LRMDA: variants seen among roughly 807,000 people sequenced by gnomAD.
LRMDA encodes the protein leucine rich melanocyte differentiation associated.
In LRMDA, 18 loss-of-function variants were observed where a neutral mutation model predicts 29.8. The observed-to-expected ratio is 0.60, with a 90% CI of 0.42 to 0.90. The LOEUF (loss-of-function observed/expected upper bound fraction) is 0.90. Among genes scored for constraint, LRMDA ranks in the 40% least tolerant of loss-of-function variants. LRMDA has a pLI of 0.00. For synonymous variants in LRMDA, 125 were observed against 109.4 expected, an observed-to-expected ratio of 1.14 and a Z score of -0.89; for missense variants, 273 against 273.9, an observed-to-expected ratio of 1.00 and a Z score of 0.02.
At chr10:76,419,518 T>C (rs1028570660) in intron 6 of LRMDA, among the ~76,000 whole-genome samples, 20 of 152,222 alleles carry the variant, frequency 1.3e-4, no homozygotes, top group African/African-American at 4.3e-4. Flanking sequence ...TTTATAAATC[T>C]GCCGTAAACA....
At chr10:75,918,802 G>A (rs557353302) in intron 2 of LRMDA, among the ~76,000 whole-genome samples, 1 of 152,284 alleles carries the variant, frequency 6.6e-6, no homozygotes, top group East Asian at 1.9e-4. Flanking sequence ...GCCTTCATGG[G>A]AACCTGCCCC....
intron 2 of LRMDA, among the ~76,000 whole-genome samples, chr10:75,506,939 C>T (rs557644520): frequency 6.6e-6 from 1 of 152,230 alleles, no homozygotes; most frequent in African/African-American, 2.4e-5. Flanking sequence ...ATGCTGGCTG[C>T]CTTTCCCCCA....
intron 2 of LRMDA, among the ~76,000 whole-genome samples, chr10:75,870,809 CCT>C (rs1845096104): frequency 6.6e-6 from 1 of 152,246 alleles, no homozygotes; most frequent in East Asian, 1.9e-4. Flanking sequence ...GATATTTACC[CCT>C]GTCTCCATGC....
chr10:76,134,108 G>T (rs929109728), intron 5 of LRMDA, among the ~76,000 whole-genome samples: 6 of 152,300 alleles, frequency 3.9e-5, no homozygotes, highest in Middle Eastern at 3.4e-3. Flanking sequence ...CAGCCACTCT[G>T]CAGCTGACCC....
Position 75,957,688 on chromosome 10 carries a change from A to G in LRMDA, c.132-78320A>G, listed in dbSNP as rs2132425756. Among the ~76,000 whole-genome samples, 3 of 152,288 alleles carry G rather than the reference A, an allele frequency of 2.0e-5. No homozygotes were observed. The South Asian group carries it at 6.2e-4, about 32-fold the overall frequency. ...AGTGATGGGTAGCCATGATTTAAGG[A>G]GAACAGCAATGGGGTTAGAGAGGGT... On this transcript the variant is annotated intron_variant, in intron 2 of 6. Coordinates refer to ENST00000611255, the MANE Select transcript of LRMDA (RefSeq NM_001305581.2).
intron 2 of LRMDA, among the ~76,000 whole-genome samples, chr10:75,742,214 A>G (rs774697362): frequency 9.9e-5 from 15 of 152,252 alleles, no homozygotes; most frequent in Non-Finnish European, 2.2e-4. Context: ...TTTCATACAC[A>G]TATCATGAGA....
intron 2 of LRMDA, among the ~76,000 whole-genome samples, chr10:75,823,293 G>C (rs1421336404): frequency 6.6e-6 from 1 of 152,054 alleles, no homozygotes; most frequent in Non-Finnish European, 1.5e-5. Flanking sequence ...TAAAAAGTGG[G>C]CAAAGGACAC....
At chr10:75,492,228 T>C (rs1224770477) in intron 2 of LRMDA, among the ~76,000 whole-genome samples, 1 of 152,242 alleles carries the variant, frequency 6.6e-6, no homozygotes, top group African/African-American at 2.4e-5. Context: ...TAATAGGGGA[T>C]GAATTCACAT....
intron 1 of LRMDA, 79 bp from the exon 2 acceptor site, chr10:75,438,315 T>C (rs1024841088): frequency 4.5e-6 from 5 of 1,102,904 alleles, no homozygotes; most frequent in African/African-American, 3.1e-5. Context: ...GAAGCAATCA[T>C]TGGATCAGTA....
intron 2 of LRMDA, among the ~76,000 whole-genome samples, chr10:75,755,719 C>T (rs973199666): frequency 2.0e-5 from 3 of 152,210 alleles, no homozygotes; most frequent in African/African-American, 7.2e-5. Context: ...GCTGACGCAA[C>T]CTTGGAGTGT....
chr10:75,466,141 T>G (rs999205286), intron 2 of LRMDA, among the ~76,000 whole-genome samples: 4 of 152,214 alleles, frequency 2.6e-5, no homozygotes, highest in Non-Finnish European at 5.9e-5. Flanking sequence ...TGTGGGTGCT[T>G]GCCTGGCTTC....
Position 75,526,872 on chromosome 10 carries a change from AC to A in LRMDA, c.131+88379del, listed in dbSNP as rs1237340905. On this transcript the variant is annotated intron_variant, in intron 2 of 6. Transcript: ENST00000611255. Reference sequence around the variant, plus strand: ...AGGCCCTATCTCAAAAAAAAAAAAAACAAAACATAATATGAAATGTACCATT... The same window carrying A: ...AGGCCCTATCTCAAAAAAAAAAAAAAAAAACATAATATGAAATGTACCATT... 1.9e-4 allele frequency among the ~76,000 whole-genome samples: 28 copies of A among 149,056 alleles called. No individual in the cohort carries two copies. In the South Asian group the frequency reaches 1.9e-3, roughly 10 times the overall value.
intron 2 of LRMDA, among the ~76,000 whole-genome samples, chr10:75,629,991 T>G (rs541503849): frequency 1.3e-5 from 2 of 152,370 alleles, no homozygotes; most frequent in African/African-American, 4.8e-5. Flanking sequence ...ATATGTAATT[T>G]TATTAACACC....
At chr10:75,861,374 C>T (rs770206666) in intron 2 of LRMDA, among the ~76,000 whole-genome samples, 2 of 152,128 alleles carry the variant, frequency 1.3e-5, no homozygotes, top group Non-Finnish European at 2.9e-5. Context: ...CTTTGAAAGA[C>T]TCAAATGGTC....
intron 2 of LRMDA, among the ~76,000 whole-genome samples, chr10:75,806,011 C>A (rs1207946367): frequency 6.6e-6 from 1 of 152,112 alleles, no homozygotes; most frequent in Admixed American, 6.6e-5. Context: ...TGCTTGGCTT[C>A]TAGCGAGGCC....
At chr10:76,467,492 G>T (rs1363484080) in intron 6 of LRMDA, among the ~76,000 whole-genome samples, 4 of 152,170 alleles carry the variant, frequency 2.6e-5, no homozygotes, top group African/African-American at 9.7e-5. Flanking sequence ...GGTGCTTATG[G>T]TTGGACAAAG....
At chr10:75,685,252 G>A (rs1452994632) in intron 2 of LRMDA, among the ~76,000 whole-genome samples, 1 of 151,934 alleles carries the variant, frequency 6.6e-6, no homozygotes, top group Admixed American at 6.6e-5. Flanking sequence ...AAAAAAAGGT[G>A]CCTCACTGTG....
intron 2 of LRMDA, among the ~76,000 whole-genome samples, chr10:75,944,489 A>G (rs1470621027): frequency 6.6e-6 from 1 of 151,624 alleles, no homozygotes; most frequent in Non-Finnish European, 1.5e-5. Flanking sequence ...ATCTTCATAT[A>G]TATTTTTTTC....
At chr10:75,591,582 C>T (rs755504670) in intron 2 of LRMDA, among the ~76,000 whole-genome samples, 7 of 152,192 alleles carry the variant, frequency 4.6e-5, no homozygotes, top group Non-Finnish European at 1.0e-4. Context: ...AGAGCAGTAA[C>T]TTCTTTCTGC....
Sources: allele counts gnomAD v4.1 joint callset (sites outside exome capture counted in the v4.1 genomes callset), GRCh38; gene constraint gnomAD v4.1.1; transcripts MANE v1.5; gene names NCBI Gene and HGNC (gene_info 2026-07-23, HGNC 2026-07-21).